The following RNF121 variants were observed in gnomAD, a reference collection of about 807,000 sequenced individuals.
The protein encoded by RNF121 is ring finger protein 121.
Under a neutral mutation model 46.5 loss-of-function variants are expected in RNF121, and 21 were observed. The ratio of observed to expected loss-of-function variants is 0.45; its 90% CI spans 0.32 to 0.65. The LOEUF (loss-of-function observed/expected upper bound fraction) is 0.65. Among genes scored for constraint, RNF121 ranks in the 30% least tolerant of loss-of-function variants. RNF121 has a pLI of 0.04. For synonymous variants in RNF121, 139 were observed against 144.7 expected (o/e 0.96, Z 0.28); for missense variants, 346 against 416.0 (o/e 0.83, Z 1.46).
At chr11:71,949,675 A>G (rs1565144949) in intron 1 of RNF121, among the ~76,000 whole-genome samples, 1 of 152,018 alleles carries the variant, frequency 6.6e-6, no homozygotes, top group Admixed American at 6.6e-5. Context: ...ACTCCAACCT[A>G]GGTGACAGAG....
At chr11:71,963,196 AAC>A (rs1461977241) in intron 3 of RNF121, among the ~76,000 whole-genome samples, 18 of 152,152 alleles carry the variant, frequency 1.2e-4, no homozygotes, top group African/African-American at 4.3e-4. Flanking sequence ...TTGATGCATA[AAC>A]AGTTTTTAAT....
intron 3 of RNF121, among the ~76,000 whole-genome samples, chr11:71,968,862 C>T (rs915158381): frequency 1.3e-5 from 2 of 149,736 alleles, no homozygotes; most frequent in Non-Finnish European, 3.0e-5. Flanking sequence ...GTACATCCTC[C>T]TAGGATTTTT....
chr11:71,978,544 G>T (rs1209038928), intron 3 of RNF121, among the ~76,000 whole-genome samples: 1 of 152,170 alleles, frequency 6.6e-6, no homozygotes, highest in Admixed American at 6.5e-5. Flanking sequence ...TCCTTTGTAT[G>T]TGTGACTTAA....
chr11:71,929,185 G>A, intron 1 of RNF121, 61 bp downstream of exon 1: 1 of 1,521,874 alleles, frequency 6.6e-7, no homozygotes, highest in South Asian at 1.2e-5. Flanking sequence ...GGGCAGTGAG[G>A]TATCGGGAGG....
chr11:71,983,121 T>G, intron 4 of RNF121: 1 of 405,124 alleles, frequency 2.5e-6, no homozygotes, highest in Non-Finnish European at 4.3e-6. Context: ...TATAGCTTAC[T>G]TTATGGTTTC....
chr11:71,932,472 C>T (rs1953298242), intron 1 of RNF121, among the ~76,000 whole-genome samples: 1 of 152,186 alleles, frequency 6.6e-6, no homozygotes, highest in South Asian at 2.1e-4. Flanking sequence ...TATTTGTGCT[C>T]TAGGGGGTGG....
At chr11:71,946,727 T>G (rs1044361494) in intron 1 of RNF121, among the ~76,000 whole-genome samples, 2 of 151,736 alleles carry the variant, frequency 1.3e-5, no homozygotes, top group African/African-American at 4.8e-5. Context: ...TTATTATGTT[T>G]TTGGAGACAG....
At chr11:71,990,482 T>TG (rs1954844156) in intron 5 of RNF121, 115 bp from the exon 6 acceptor site, 3 of 1,343,936 alleles carry the variant, frequency 2.2e-6, no homozygotes, top group Middle Eastern at 2.1e-4. Flanking sequence ...TGCCCGCACT[T>TG]GCTCTAGCCT....
At chr11:71,940,620 C>A (rs1003153110) in intron 1 of RNF121, among the ~76,000 whole-genome samples, 1 of 152,174 alleles carries the variant, frequency 6.6e-6, no homozygotes, top group African/African-American at 2.4e-5. Flanking sequence ...TTTATTCATT[C>A]CTTCAGTCAC....
chr11:71,957,092 G>T, intron 1 of RNF121, 135 bp from the exon 2 acceptor site: 2 of 745,436 alleles, frequency 2.7e-6, no homozygotes. Context: ...AGAATGGTTG[G>T]TAAGGCTTCA....
chr11:71,929,704 C>G (rs77811421), intron 1 of RNF121, among the ~76,000 whole-genome samples: 4,903 of 152,216 alleles, frequency 0.032, 76 homozygotes, highest in East Asian at 0.078. Context: ...GATTGTATGC[C>G]GGAATTCATG....
intron 8 of RNF121, among the ~76,000 whole-genome samples, chr11:71,995,896 A>C (rs1437000632): frequency 6.6e-6 from 1 of 152,120 alleles, no homozygotes; most frequent in African/African-American, 2.4e-5. Flanking sequence ...ATTTATCTCT[A>C]TACCTCTCTC....
intron 1 of RNF121, among the ~76,000 whole-genome samples, chr11:71,956,844 C>T (rs1395876300): frequency 1.3e-5 from 2 of 152,224 alleles, no homozygotes; most frequent in Admixed American, 6.5e-5. Context: ...TCTAAAACAC[C>T]CCAGATTGGG....
At chr11:71,960,426 C>G (rs1195596877) in intron 2 of RNF121, among the ~76,000 whole-genome samples, 1 of 152,156 alleles carries the variant, frequency 6.6e-6, no homozygotes, top group Admixed American at 6.5e-5. Flanking sequence ...TTGAAATGGG[C>G]AATGATGCAG....
chr11:71,991,054 C>T (rs1954854870), intron 6 of RNF121, among the ~76,000 whole-genome samples: 1 of 152,070 alleles, frequency 6.6e-6, no homozygotes, highest in Non-Finnish European at 1.5e-5. Flanking sequence ...CAACAGTAGG[C>T]ACTGGGGACT....
intron 1 of RNF121, among the ~76,000 whole-genome samples, chr11:71,929,434 TAA>T (rs2134135666): frequency 6.6e-6 from 1 of 151,912 alleles, no homozygotes; most frequent in East Asian, 1.9e-4. Context: ...ACCGAAGGGC[TAA>T]GAGGTAGTTT....
intron 2 of RNF121, among the ~76,000 whole-genome samples, chr11:71,958,325 G>A (rs920139214): frequency 2.0e-5 from 3 of 152,178 alleles, no homozygotes; most frequent in East Asian, 1.9e-4. Context: ...GTAGGAACAG[G>A]ATGGTTTTGT....
intron 3 of RNF121, among the ~76,000 whole-genome samples, chr11:71,962,461 G>T (rs1565150631): frequency 6.6e-6 from 1 of 152,132 alleles, no homozygotes; most frequent in Non-Finnish European, 1.5e-5. Context: ...TTCCCCCTCT[G>T]AAATCTCTAG....
At chr11:71,965,080 C>A (rs1393158888) in intron 3 of RNF121, among the ~76,000 whole-genome samples, 4 of 152,080 alleles carry the variant, frequency 2.6e-5, no homozygotes, top group African/African-American at 9.7e-5. Context: ...CCAGAGGGAA[C>A]CACTGTTAAT....
Sources: gnomAD v4.1 joint callset for allele counts (sites outside exome capture counted in the v4.1 genomes callset) on GRCh38, gnomAD v4.1.1 for gene constraint, MANE v1.5 for transcripts, NCBI Gene and HGNC (gene_info 2026-07-23, HGNC 2026-07-21) for gene names.